Variants in PRSS37 observed in about 807,000 individuals in gnomAD.
PRSS37 encodes serine protease 37.
A neutral mutation model predicts 28.0 loss-of-function variants in PRSS37; 25 were observed. The observed-to-expected ratio is 0.89, with a 90% confidence interval of 0.65 to 1.25. The LOEUF is 1.25. PRSS37 is among the 50% of genes most tolerant of loss of function. The pLI, the probability that PRSS37 is intolerant of heterozygous loss-of-function variation, is 0.00. For synonymous variants in PRSS37, 109 were observed against 107.8 expected (o/e 1.01, Z -0.07); for missense variants, 282 against 292.2 (o/e 0.97, Z 0.25).
chr7:141,837,091 T>C, intron 4 of PRSS37, 21 bp downstream of exon 4: 1 of 1,609,540 alleles, frequency 6.2e-7, no homozygotes, highest in Non-Finnish European at 8.5e-7. Flanking sequence ...AAATGAAAGC[T>C]GAATATAGAG....
intron 3 of PRSS37, chr7:141,837,658 G>A (rs1255338443): frequency 6.5e-7 from 1 of 1,527,746 alleles, no homozygotes; most frequent in Non-Finnish European, 8.8e-7. Flanking sequence ...GCCCTGCAGA[G>A]GCAGTGGGAT....
intron 2 of PRSS37, 34 bp from the exon 3 acceptor site, chr7:141,838,147 A>G (rs973663886): frequency 6.2e-7 from 1 of 1,612,332 alleles, no homozygotes; most frequent in African/African-American, 1.3e-5. Flanking sequence ...AATCATCATC[A>G]TCATCATCAT....
intron 1 of PRSS37, 112 bp downstream of exon 1, chr7:141,840,904 T>C: frequency 1.9e-6 from 2 of 1,064,964 alleles, no homozygotes; most frequent in Non-Finnish European, 2.9e-6. Flanking sequence ...CTAATTCTGC[T>C]GATGACACTA....
Position 141,841,382 on chromosome 7 carries a change from C to T in PRSS37, c.-333G>A. 3.1e-6 allele frequency: 1 copy of T among 318,642 alleles called. No individual in the cohort carries two copies. The highest frequency in any genetic ancestry group is 3.1e-5 in the South Asian group (1 of 32,784). 19.7% of individuals were successfully genotyped at this position (318,642 alleles called of 1,614,324 possible). A position where few individuals can be genotyped will look rare whatever the true frequency, so the allele number is the denominator to read the frequency against. On this transcript the variant is annotated 5_prime_UTR_variant, in exon 1 of 5. Transcript: ENST00000350549. The stretch of plus-strand genomic sequence containing the variant: ...GTAGTTCAGTTGTCTGTGGAAATGG[C>T]AGCTCTAGGCTCAGGACTTATCTTC...
chr7:141,837,379 G>T, intron 3 of PRSS37, 131 bp from the exon 4 acceptor site: 1 of 1,205,236 alleles, frequency 8.3e-7, no homozygotes, highest in Non-Finnish European at 1.1e-6. Context: ...CGACAAAGGA[G>T]AGAAATCATC....
Position 141,841,011 on chromosome 7 carries a change from C to A in PRSS37, c.34+5G>T. On this transcript the variant is annotated splice_donor_5th_base_variant and intron_variant, in intron 1 of 4. Coordinates refer to ENST00000350549, the MANE Select transcript of PRSS37 (RefSeq NM_001008270.3). ...AGGACAGAGTACAAGGTCTTGAGTACATACCAGCGAGGACACCCAAATAGA... is the reference window on the plus strand; with the variant it reads ...AGGACAGAGTACAAGGTCTTGAGTAAATACCAGCGAGGACACCCAAATAGA... 2 of 1,613,556 alleles carry A rather than the reference C, an allele frequency of 1.2e-6. No individual in the cohort carries two copies. The highest frequency in any genetic ancestry group is 1.7e-6 in the Non-Finnish European group (2 of 1,179,514).
chr7:141,838,922 T>G (rs564806116), intron 2 of PRSS37: 149 of 451,254 alleles, frequency 3.3e-4, no homozygotes, highest in Non-Finnish European at 6.0e-4. Flanking sequence ...AATTGGTTCC[T>G]TCTTAAAACT....
rs567354605 is a variant in PRSS37 at position 141,837,504 on chromosome 7, A to C, written c.431-256T>G. 3 of 1,355,018 alleles carry C rather than the reference A, an allele frequency of 2.2e-6. No individual in the cohort carries two copies. The African/African-American group carries it at 4.3e-5, about 19-fold the overall frequency. 83.9% of individuals were successfully genotyped at this position (1,355,018 alleles called of 1,614,324 possible). On this transcript the variant is annotated intron_variant, in intron 3 of 4. Transcript: ENST00000350549. ...TTGGAGAACTAAATGACCTGAGGCA[A>C]TTCTCAGAGGTGTCCTTTACATGTG...
intron 4 of PRSS37, among the ~76,000 whole-genome samples, chr7:141,836,804 G>A (rs1418263776): frequency 6.6e-6 from 1 of 152,104 alleles, no homozygotes. Context: ...AACTGGTGAA[G>A]GCATTTTCTA....
Position 141,841,387 on chromosome 7 carries a change from C to T in PRSS37, c.-338G>A. 3 of 315,490 alleles carry T rather than the reference C, an allele frequency of 9.5e-6. No homozygotes were observed. The highest frequency in any genetic ancestry group is 9.2e-5 in the South Asian group (3 of 32,538). 19.5% of individuals were successfully genotyped at this position (315,490 alleles called of 1,614,324 possible). ...TCAGTTGTCTGTGGAAATGGCAGCT[C>T]TAGGCTCAGGACTTATCTTCCCCAC... On this transcript the variant is annotated 5_prime_UTR_variant, in exon 1 of 5. Transcript: ENST00000350549.
At position 141,836,470 on chromosome 7, in the gene PRSS37, C is replaced by T; in HGVS notation, c.633G>A (p.Met211Ile). 6.2e-7 allele frequency: 1 copy of T among 1,611,472 alleles called. No homozygotes were observed. Among genetic ancestry groups the T allele is most frequent in the Non-Finnish European group, 8.5e-7 (1 of 1,178,970 alleles). The change falls in exon 5 of 5, where the codon ATG becomes ATA. Residue 211 changes from methionine to isoleucine, a missense_variant. Coordinates refer to ENST00000350549, the MANE Select transcript of PRSS37 (RefSeq NM_001008270.3). ...KLQGIEVGHF[M>I]GGDVGIYTNV... Reference sequence around the variant, plus strand: ...TGGTGTAGATGCCGACGTCCCCTCCCATGAAGTGCCCCACCTCGATTCCCT... The same window carrying T: ...TGGTGTAGATGCCGACGTCCCCTCCTATGAAGTGCCCCACCTCGATTCCCT...
chr7:141,838,533 G>A (rs1801049421), intron 2 of PRSS37: 1 of 888,574 alleles, frequency 1.1e-6, no homozygotes, highest in African/African-American at 1.8e-5. Flanking sequence ...ATTCCATTCT[G>A]CTCTGCACCT....
intron 3 of PRSS37, 172 bp downstream of exon 3, chr7:141,837,688 G>T (rs993571956): frequency 6.5e-7 from 1 of 1,534,180 alleles, no homozygotes; most frequent in Non-Finnish European, 8.8e-7. Context: ...CCTGGGAAAG[G>T]AGGAGCTTTG....
chr7:141,840,774 C>G (rs942362906), intron 1 of PRSS37, among the ~76,000 whole-genome samples: 1 of 152,148 alleles, frequency 6.6e-6, no homozygotes, highest in African/African-American at 2.4e-5. Flanking sequence ...TGGGAGGACA[C>G]TCACTGTTAA....
rs1196216763 is a variant in PRSS37, at chr7:141,837,853, C to T, written c.430+7G>A. On this transcript the variant is annotated splice_region_variant and intron_variant, in intron 3 of 4. Transcript: ENST00000350549. ...TGACCCTGATTTGCTGTGGAAGGCA[C>T]ACTTACCACTGTTTTCTTGGCTCCA... 6.2e-7 allele frequency: 1 copy of T among 1,606,312 alleles called. No individual in the cohort carries two copies.
In PRSS37 at chr7:141,839,497, A is replaced by C. The variant is rs763699131; in HGVS notation, c.35-18T>G. On this transcript the variant is annotated intron_variant, in intron 1 of 4. Transcript: ENST00000350549. ...AAATGTCCCTGAGAAAATAATGAAC[A>C]TTCTTAATACATAAATATTATAAAA... The C allele has an allele frequency of 4.4e-6, 7 of 1,578,382 alleles. No homozygotes were observed. Among genetic ancestry groups the C allele is most frequent in the Non-Finnish European group, 6.1e-6 (7 of 1,150,496 alleles).
intron 3 of PRSS37, 27 bp downstream of exon 3, chr7:141,837,833 C>T: frequency 6.3e-7 from 1 of 1,595,486 alleles, no homozygotes; most frequent in Non-Finnish European, 8.6e-7. Context: ...ACTGATGACC[C>T]TGATTTGCTG....
chr7:141,840,765 G>A (rs1801125487), intron 1 of PRSS37, among the ~76,000 whole-genome samples: 1 of 152,148 alleles, frequency 6.6e-6, no homozygotes, highest in African/African-American at 2.4e-5. Flanking sequence ...TAGTGTCGGT[G>A]GGAGGACACT....
intron 2 of PRSS37, chr7:141,838,569 A>G (rs1801050711): frequency 3.7e-6 from 2 of 538,728 alleles, no homozygotes; most frequent in South Asian, 4.5e-5. Context: ...TATGGATTTA[A>G]TCAGTGGGCT....
Sources: allele counts gnomAD v4.1 joint callset (sites outside exome capture counted in the v4.1 genomes callset), GRCh38; gene constraint gnomAD v4.1.1; transcripts MANE v1.5; gene names NCBI Gene and HGNC (gene_info 2026-07-23, HGNC 2026-07-21).